SMAD3: variants seen among roughly 807,000 people sequenced by gnomAD.
The protein encoded by SMAD3 is MAD homolog 3.
A neutral mutation model predicts 51.8 loss-of-function variants in SMAD3; 12 were observed. That is an observed-to-expected ratio of 0.23 (90% CI 0.15 to 0.38). The LOEUF (loss-of-function observed/expected upper bound fraction) is 0.38. SMAD3 is among the 10% of genes least tolerant of loss of function. SMAD3 has a pLI of 1.00. For synonymous variants in SMAD3, 238 were observed against 227.7 expected (o/e 1.05, Z -0.41); for missense variants, 294 against 565.6 (o/e 0.52, Z 4.87).
intron 1 of SMAD3, among the ~76,000 whole-genome samples, chr15:67,076,623 C>T (rs896321006): frequency 6.6e-6 from 1 of 152,198 alleles, no homozygotes; most frequent in African/African-American, 2.4e-5. Flanking sequence ...AGGGAGCTCA[C>T]GCTTCAAGAG....
At chr15:67,184,916 G>T in intron 7 of SMAD3, 52 bp downstream of exon 7, 1 of 1,605,588 alleles carries the variant, frequency 6.2e-7, no homozygotes, top group Non-Finnish European at 8.5e-7. Context: ...CCGAGTGCAT[G>T]CCTAGGATGC....
chr15:67,187,474 C>T lies in SMAD3; in HGVS notation c.1119C>T (p.Arg373=). The T allele has an allele frequency of 6.2e-7, 1 of 1,614,206 alleles. No homozygotes were observed. Among genetic ancestry groups the T allele is most frequent in the South Asian group, 1.1e-5 (1 of 91,088 alleles). ...VYQLTRMCTI[R]MSFVKGWGAE... is the part of the protein sequence containing the mutation. ...AGTTGACCCGAATGTGCACCATCCG[C>T]ATGAGCTTCGTCAAAGGCTGGGGAG... Residue 373 remains arginine (R), a synonymous_variant, in exon 8 of 9, where the codon CGC becomes CGT. Coordinates refer to ENST00000327367, the MANE Select transcript of SMAD3 (RefSeq NM_005902.4).
chr15:67,171,196 G>A (rs1962742205), intron 5 of SMAD3, among the ~76,000 whole-genome samples: 1 of 152,110 alleles, frequency 6.6e-6, no homozygotes, highest in Admixed American at 6.5e-5. Flanking sequence ...CATATCTGGT[G>A]TTTTCATTCT....
chr15:67,105,708 G>A (rs1202058355), intron 1 of SMAD3, among the ~76,000 whole-genome samples: 2 of 152,224 alleles, frequency 1.3e-5, no homozygotes, highest in Admixed American at 1.3e-4. Context: ...AAACAGGAAT[G>A]TGTCTCTTAC....
chr15:67,168,213 C>A (rs1449176386), intron 4 of SMAD3, among the ~76,000 whole-genome samples: 1 of 152,228 alleles, frequency 6.6e-6, no homozygotes, highest in Non-Finnish European at 1.5e-5. Context: ...CTTCGACCTC[C>A]CAAAGTGCTG....
At chr15:67,141,844 C>T (rs1353182021) in intron 1 of SMAD3, among the ~76,000 whole-genome samples, 1 of 152,060 alleles carries the variant, frequency 6.6e-6, no homozygotes, top group Admixed American at 6.5e-5. Context: ...GGTTGAGTGC[C>T]CCAGAAAAGC....
At chr15:67,178,220 A>G (rs1595953846) in intron 5 of SMAD3, among the ~76,000 whole-genome samples, 1 of 152,002 alleles carries the variant, frequency 6.6e-6, no homozygotes. Context: ...CTTGAAGCCC[A>G]CCCTTCCCCA....
Position 67,153,265 on chromosome 15 carries a change from G to A in SMAD3, c.207-11630G>A, listed in dbSNP as rs934495039. 4.6e-5 allele frequency among the ~76,000 whole-genome samples: 7 copies of A among 152,196 alleles called. No individual in the cohort carries two copies. In the South Asian group the frequency reaches 6.2e-4, roughly 14 times the overall value. ...CAAGCACTTTGGGAGGCTGGGGCAG[G>A]TGGATCACCTGAGGTCAGGCGTTTG... is the stretch of plus-strand genomic sequence containing the variant. On this transcript the variant is annotated intron_variant, in intron 1 of 8. Coordinates refer to ENST00000327367, the MANE Select transcript of SMAD3 (RefSeq NM_005902.4).
At chr15:67,172,659 T>C (rs935854429) in intron 5 of SMAD3, among the ~76,000 whole-genome samples, 2 of 152,250 alleles carry the variant, frequency 1.3e-5, no homozygotes, top group South Asian at 2.1e-4. Context: ...TTTTTCATTT[T>C]ACAGATTAGG....
intron 7 of SMAD3, 33 bp from the exon 8 acceptor site, chr15:67,187,332 A>AT: frequency 6.2e-7 from 1 of 1,614,070 alleles, no homozygotes; most frequent in Non-Finnish European, 8.5e-7. Flanking sequence ...GGCCACTTCC[A>AT]TCCCCACAGC....
chr15:67,157,809 T>C (rs961350937), intron 1 of SMAD3, among the ~76,000 whole-genome samples: 1 of 152,208 alleles, frequency 6.6e-6, no homozygotes, highest in Non-Finnish European at 1.5e-5. Context: ...CACCACCATT[T>C]TGGGACACTT....
intron 3 of SMAD3, 86 bp from the exon 4 acceptor site, chr15:67,166,693 T>G: frequency 1.2e-6 from 1 of 831,340 alleles, no homozygotes; most frequent in Non-Finnish European, 2.0e-6. Flanking sequence ...AGCATCATGG[T>G]GTGCATGTGT....
intron 1 of SMAD3, among the ~76,000 whole-genome samples, chr15:67,121,910 C>CTATA (rs1961273209): frequency 6.6e-6 from 1 of 152,222 alleles, no homozygotes; most frequent in African/African-American, 2.4e-5. Flanking sequence ...CAGTCTAAGG[C>CTATA]TATATTGTCC....
intron 1 of SMAD3, among the ~76,000 whole-genome samples, chr15:67,147,628 C>T (rs115139451): frequency 3.3e-5 from 5 of 152,134 alleles, no homozygotes; most frequent in Admixed American, 6.5e-5. Context: ...GACATTTGCA[C>T]ACCACCCTTC....
At chr15:67,088,113 C>T (rs905646534) in intron 1 of SMAD3, among the ~76,000 whole-genome samples, 1 of 152,210 alleles carries the variant, frequency 6.6e-6, no homozygotes, top group African/African-American at 2.4e-5. Context: ...ATCCCCTACT[C>T]TCACCTTTAT....
At chr15:67,105,658 A>G (rs1960860712) in intron 1 of SMAD3, among the ~76,000 whole-genome samples, 1 of 152,236 alleles carries the variant, frequency 6.6e-6, no homozygotes, top group Admixed American at 6.5e-5. Context: ...CACTTCCAGA[A>G]AAGGGAAAGC....
chr15:67,180,972 CTAAATAAA>C lies in SMAD3; in HGVS notation c.659-240_659-233del, dbSNP rs60300820. Among the ~76,000 whole-genome samples, 2,244 of 145,942 alleles carry C rather than the reference CTAAATAAA, an allele frequency of 0.015. 73 individuals are homozygous for C. The highest frequency in any genetic ancestry group is 0.052 in the African/African-American group (2,079 of 39,900). On this transcript the variant is annotated intron_variant, in intron 5 of 8. Transcript: ENST00000327367. Reference sequence around the variant, plus strand: ...GCAGGCGGGGCAGGGCCTTTATGAGCTAAATAAATAAATAAATAAATAAATAAATAAAT... The same window carrying C: ...GCAGGCGGGGCAGGGCCTTTATGAGCTAAATAAATAAATAAATAAATAAAT...
chr15:67,165,147 G>T (rs2289261), intron 2 of SMAD3, 59 bp downstream of exon 2: 2 of 1,611,328 alleles, frequency 1.2e-6, no homozygotes, highest in Non-Finnish European at 8.5e-7. Flanking sequence ...ACCTCTCCCC[G>T]GCTCCCCATC....
At chr15:67,098,768 G>T in intron 1 of SMAD3, 1 of 646,744 alleles carries the variant, frequency 1.5e-6, no homozygotes, top group Admixed American at 2.2e-5. Context: ...GCCCCCGGAA[G>T]GCAGGTGGAA....
Sources: gnomAD v4.1 joint callset for allele counts (sites outside exome capture counted in the v4.1 genomes callset) on GRCh38, gnomAD v4.1.1 for gene constraint, MANE v1.5 for transcripts, NCBI Gene and HGNC (gene_info 2026-07-23, HGNC 2026-07-21) for gene names.